Variants in GNAQ observed in about 807,000 individuals in gnomAD.
The protein encoded by GNAQ is G protein subunit alpha q, also known as guanine nucleotide-binding protein G(q) subunit alpha.
A neutral mutation model predicts 43.9 loss-of-function variants in GNAQ; 8 were observed. The observed-to-expected ratio is 0.18, with a 90% confidence interval of 0.11 to 0.33. The LOEUF (loss-of-function observed/expected upper bound fraction) is 0.33, where lower values mean the gene tolerates loss of function less well. Ranked by LOEUF, GNAQ falls within the 10% of genes least tolerant of loss-of-function variation. The pLI is 1.00. For missense variants in GNAQ, 158 were observed against 450.8 expected (o/e 0.35, Z 5.88); for synonymous variants, 155 against 170.7 (o/e 0.91, Z 0.71).
chr9:78,030,138 C>T (rs1469900861), intron 1 of GNAQ, among the ~76,000 whole-genome samples: 1 of 152,138 alleles, frequency 6.6e-6, no homozygotes, highest in East Asian at 1.9e-4. Context: ...ATTCCAAAGA[C>T]ATTAAAATGC....
intron 1 of GNAQ, among the ~76,000 whole-genome samples, chr9:77,941,255 C>CT (rs755624020): frequency 0.013 from 1,914 of 145,818 alleles, 17 homozygotes; most frequent in Non-Finnish European, 0.019. Context: ...GCTACCATAT[C>CT]TTTTTTTTTT....
chr9:77,902,659 T>C (rs573544119), intron 2 of GNAQ, among the ~76,000 whole-genome samples: 1 of 152,356 alleles, frequency 6.6e-6, no homozygotes, highest in African/African-American at 2.4e-5. Context: ...GTTCTGGTCT[T>C]AGTCTTCAGA....
chr9:77,978,993 T>C (rs1823336032), intron 1 of GNAQ, among the ~76,000 whole-genome samples: 1 of 152,060 alleles, frequency 6.6e-6, no homozygotes, highest in Non-Finnish European at 1.5e-5. Flanking sequence ...GAGGCAGAGG[T>C]TGCCTCTGCC....
intron 5 of GNAQ, among the ~76,000 whole-genome samples, chr9:77,751,583 G>C (rs1404819098): frequency 6.6e-6 from 1 of 152,148 alleles, no homozygotes; most frequent in Non-Finnish European, 1.5e-5. Flanking sequence ...TGGGTAGGTG[G>C]GCTGGGGATG....
chr9:77,927,209 A>T (rs1306896522), intron 1 of GNAQ, among the ~76,000 whole-genome samples: 1 of 152,216 alleles, frequency 6.6e-6, no homozygotes, highest in Non-Finnish European at 1.5e-5. Context: ...AGCCATATAT[A>T]TGTTTACAAT....
At chr9:77,765,391 TAA>T (rs1198100620) in intron 5 of GNAQ, among the ~76,000 whole-genome samples, 4 of 152,128 alleles carry the variant, frequency 2.6e-5, no homozygotes, top group Admixed American at 2.6e-4. Context: ...CCAGAATATA[TAA>T]AGACTCCTAC....
At chr9:77,932,057 T>C (rs1021412496) in intron 1 of GNAQ, among the ~76,000 whole-genome samples, 3 of 152,096 alleles carry the variant, frequency 2.0e-5, no homozygotes, top group Non-Finnish European at 4.4e-5. Context: ...AAGAATAAAA[T>C]AAAGACAGGA....
At chr9:77,938,872 T>C (rs1829272676) in intron 1 of GNAQ, among the ~76,000 whole-genome samples, 1 of 152,214 alleles carries the variant, frequency 6.6e-6, no homozygotes, top group African/African-American at 2.4e-5. Flanking sequence ...CAACTGAATA[T>C]TCAAAGCAGG....
intron 1 of GNAQ, among the ~76,000 whole-genome samples, chr9:77,989,768 G>A (rs1167802952): frequency 2.9e-4 from 44 of 152,106 alleles, no homozygotes; most frequent in Non-Finnish European, 5.9e-5. Context: ...GGGTGTTTCT[G>A]CTACCAGCAG....
At chr9:77,949,401 C>G (rs1280592739) in intron 1 of GNAQ, among the ~76,000 whole-genome samples, 2 of 152,158 alleles carry the variant, frequency 1.3e-5, no homozygotes, top group Non-Finnish European at 2.9e-5. Context: ...AAGCAGAATT[C>G]AAATTCTGAA....
At position 78,004,753 on chromosome 9, in the gene GNAQ, A is replaced by T. The variant is rs183372619; in HGVS notation, c.136+26347T>A. On this transcript the variant is annotated intron_variant, in intron 1 of 6. Coordinates refer to ENST00000286548, the MANE Select transcript of GNAQ (RefSeq NM_002072.5). ...AGAGGGATCAGAAAAGGCAATGAGA[A>T]AGAGGCACCATTTAACATGGGTTTT... 2.0e-5 allele frequency among the ~76,000 whole-genome samples: 3 copies of T among 152,274 alleles called. No homozygotes were observed. The East Asian group carries it at 5.8e-4, about 30-fold the overall frequency.
chr9:77,863,692 AG>A (rs1827898945), intron 2 of GNAQ, among the ~76,000 whole-genome samples: 1 of 148,986 alleles, frequency 6.7e-6, no homozygotes, highest in African/African-American at 2.5e-5. Flanking sequence ...ATAAAAAAAA[AG>A]AGGTTTAATG....
chr9:77,882,710 T>C (rs746436715), intron 2 of GNAQ, among the ~76,000 whole-genome samples: 8 of 152,172 alleles, frequency 5.3e-5, no homozygotes, highest in Non-Finnish European at 1.2e-4. Flanking sequence ...GGAAAAAAAC[T>C]AGAAAGATAC....
chr9:77,868,576 T>C (rs1352177092), intron 2 of GNAQ, among the ~76,000 whole-genome samples: 2 of 152,128 alleles, frequency 1.3e-5, no homozygotes, highest in Non-Finnish European at 2.9e-5. Flanking sequence ...GGCGGGCTGA[T>C]CATGAGGTCA....
At chr9:77,894,338 T>A (rs11145610) in intron 2 of GNAQ, among the ~76,000 whole-genome samples, 14 of 9,946 alleles carry the variant, frequency 1.4e-3, no homozygotes, top group Admixed American at 3.8e-3. Flanking sequence ...AAAATATATA[T>A]TATATATATT....
intron 1 of GNAQ, among the ~76,000 whole-genome samples, chr9:77,999,702 G>A (rs2118546884): frequency 6.6e-6 from 1 of 152,284 alleles, no homozygotes; most frequent in Middle Eastern, 3.4e-3. Context: ...TGTGCTAGGA[G>A]CTGATGATAC....
intron 4 of GNAQ, among the ~76,000 whole-genome samples, chr9:77,796,839 T>C (rs1260284738): frequency 6.6e-6 from 1 of 152,222 alleles, no homozygotes; most frequent in Non-Finnish European, 1.5e-5. Context: ...GACAGCATCA[T>C]ATGATCATTC....
At chr9:77,974,066 C>A (rs1823270769) in intron 1 of GNAQ, among the ~76,000 whole-genome samples, 1 of 152,080 alleles carries the variant, frequency 6.6e-6, no homozygotes, top group African/African-American at 2.4e-5. Flanking sequence ...AAATATAACT[C>A]ATTCATCCAA....
chr9:77,732,462 T>G (rs1825510016), intron 5 of GNAQ, among the ~76,000 whole-genome samples: 1 of 148,606 alleles, frequency 6.7e-6, no homozygotes, highest in Non-Finnish European at 1.5e-5. Flanking sequence ...GCCTCCTGAG[T>G]TCAAGCGATT....
Sources: allele counts gnomAD v4.1 joint callset (sites outside exome capture counted in the v4.1 genomes callset), GRCh38; gene constraint gnomAD v4.1.1; transcripts MANE v1.5; gene names NCBI Gene and HGNC (gene_info 2026-07-23, HGNC 2026-07-21).